The following TUSC3 variants were observed in gnomAD, a reference collection of about 807,000 sequenced individuals.
TUSC3 encodes the protein dolichyl-diphosphooligosaccharide--protein glycosyltransferase subunit TUSC3.
In TUSC3, 45 loss-of-function variants were observed where a neutral mutation model predicts 44.8. That is an observed-to-expected ratio of 1.00 (90% CI 0.79 to 1.29). The LOEUF (loss-of-function observed/expected upper bound fraction) is 1.29, where lower values mean the gene tolerates loss of function less well. TUSC3 is among the 50% of genes most tolerant of loss of function. TUSC3 has a pLI of 0.00. For synonymous variants in TUSC3, 212 were observed against 152.9 expected, an observed-to-expected ratio of 1.39 and a Z score of -2.85; for missense variants, 519 against 437.9, an observed-to-expected ratio of 1.19 and a Z score of -1.65.
intron 7 of TUSC3, among the ~76,000 whole-genome samples, chr8:15,741,849 C>T (rs906610309): frequency 2.0e-5 from 3 of 152,016 alleles, no homozygotes; most frequent in Non-Finnish European, 4.4e-5. Flanking sequence ...TTAGTAACTC[C>T]TTGTTAAGGA....
At chr8:15,843,512 G>A in the TUSC3 span, among the ~76,000 whole-genome samples, 1 of 151,596 alleles carries the variant, frequency 6.6e-6, no homozygotes, top group Non-Finnish European at 1.5e-5. Context: ...GGATAGAAGA[G>A]ATAAAGTTGA....
intron 1 of TUSC3, among the ~76,000 whole-genome samples, chr8:15,575,952 A>G (rs78939374): frequency 0.024 from 3,443 of 141,574 alleles, 153 homozygotes; most frequent in African/African-American, 0.08. Flanking sequence ...TATATATTCA[A>G]TAATATATTG....
At chr8:15,576,377 G>C (rs1803115600) in intron 1 of TUSC3, among the ~76,000 whole-genome samples, 1 of 143,060 alleles carries the variant, frequency 7.0e-6, no homozygotes, top group African/African-American at 2.6e-5. Context: ...AGTTACATAT[G>C]TATACATGTG....
chr8:15,604,547 A>G (rs1011670586), intron 1 of TUSC3, among the ~76,000 whole-genome samples: 3 of 151,818 alleles, frequency 2.0e-5, no homozygotes, highest in African/African-American at 7.2e-5. Flanking sequence ...TAAAAATACA[A>G]GTGGCACCAA....
chr8:15,548,646 C>G (rs1274598475), intron 1 of TUSC3, among the ~76,000 whole-genome samples: 1 of 151,786 alleles, frequency 6.6e-6, no homozygotes. Flanking sequence ...GAGTTAATAA[C>G]CTTCCTTATT....
chr8:15,619,771 A>C (rs1188860445), intron 1 of TUSC3, among the ~76,000 whole-genome samples: 1 of 152,154 alleles, frequency 6.6e-6, no homozygotes. Context: ...CGGCCTCCCA[A>C]AGTGCTGGGA....
At chr8:15,493,447 T>C (rs545254181) in intron 2 of TUSC3, among the ~76,000 whole-genome samples, 12 of 152,016 alleles carry the variant, frequency 7.9e-5, no homozygotes, top group Non-Finnish European at 1.6e-4. Flanking sequence ...ATTTTTTGCA[T>C]AGACAAGATC....
At chr8:15,728,328 A>C (rs1810582275) in intron 6 of TUSC3, among the ~76,000 whole-genome samples, 1 of 152,076 alleles carries the variant, frequency 6.6e-6, no homozygotes, top group Non-Finnish European at 1.5e-5. Context: ...GGATCAGACA[A>C]ATCTTTGGGC....
At chr8:15,679,294 C>T (rs1270027665) in intron 6 of TUSC3, among the ~76,000 whole-genome samples, 3 of 151,982 alleles carry the variant, frequency 2.0e-5, no homozygotes, top group Admixed American at 1.3e-4. Context: ...CTGTAATAGC[C>T]GTTCTGACTT....
At chr8:15,843,636 A>G in the TUSC3 span, among the ~76,000 whole-genome samples, 5 of 150,854 alleles carry the variant, frequency 3.3e-5, no homozygotes, top group Non-Finnish European at 5.9e-5. Flanking sequence ...GCACATACAC[A>G]TATATACATC....
intron 6 of TUSC3, among the ~76,000 whole-genome samples, chr8:15,712,718 G>A (rs564974685): frequency 6.6e-5 from 10 of 151,986 alleles, no homozygotes; most frequent in South Asian, 2.1e-4. Context: ...CAGAAATAAC[G>A]TTTTGATTTA....
intron 1 of TUSC3, among the ~76,000 whole-genome samples, chr8:15,578,825 C>A (rs573577551): frequency 8.8e-4 from 134 of 151,868 alleles, no homozygotes; most frequent in Middle Eastern, 3.4e-3. Flanking sequence ...TGATGCTGGC[C>A]CTCATAAAAT....
chr8:15,790,179 C>CTTTTT, the TUSC3 span, among the ~76,000 whole-genome samples: 269 of 72,244 alleles, frequency 3.7e-3, 13 homozygotes, highest in Middle Eastern at 0.015. Context: ...TTGTTAAGGC[C>CTTTTT]TTTTTTTTTT....
chr8:15,709,393 A>AT (rs1449221428), intron 6 of TUSC3, among the ~76,000 whole-genome samples: 3 of 151,934 alleles, frequency 2.0e-5, no homozygotes, highest in African/African-American at 4.8e-5. Context: ...GATTTTGTAT[A>AT]TTTTGACTAC....
intron 8 of TUSC3, among the ~76,000 whole-genome samples, chr8:15,748,128 G>A (rs996522022): frequency 3.3e-5 from 5 of 152,006 alleles, no homozygotes; most frequent in Non-Finnish European, 5.9e-5. Context: ...AGTCAATTTT[G>A]TTGTTTTCAT....
intron 1 of TUSC3, among the ~76,000 whole-genome samples, chr8:15,547,565 A>G (rs1361857458): frequency 1.3e-5 from 2 of 151,754 alleles, no homozygotes; most frequent in Admixed American, 6.6e-5. Flanking sequence ...CAGACAGGAT[A>G]CTAGGCATTT....
chr8:15,841,351 C>G, the TUSC3 span, among the ~76,000 whole-genome samples: 20 of 151,906 alleles, frequency 1.3e-4, no homozygotes, highest in African/African-American at 4.8e-4. Flanking sequence ...AATAAATTTA[C>G]TAGCTAAGGT....
chr8:15,714,266 G>A (rs1809978377), intron 6 of TUSC3, among the ~76,000 whole-genome samples: 1 of 152,128 alleles, frequency 6.6e-6, no homozygotes, highest in Admixed American at 6.6e-5. Context: ...AATCCGTAAA[G>A]TAAATCTGTG....
chr8:15,648,319 G>A (rs557392513), intron 2 of TUSC3, among the ~76,000 whole-genome samples: 42 of 151,982 alleles, frequency 2.8e-4, no homozygotes, highest in Non-Finnish European at 5.2e-4. Flanking sequence ...TTCCTTCCGT[G>A]AATACCCATG....
Sources: allele counts gnomAD v4.1 joint callset (sites outside exome capture counted in the v4.1 genomes callset), GRCh38; gene constraint gnomAD v4.1.1; transcripts MANE v1.5; gene names NCBI Gene and HGNC (gene_info 2026-07-23, HGNC 2026-07-21).